ZNF438: variants seen among roughly 807,000 people sequenced by gnomAD.
ZNF438 encodes the protein zinc finger protein 438.
Under a neutral mutation model 38.0 loss-of-function variants are expected in ZNF438, and 25 were observed. The ratio of observed to expected loss-of-function variants is 0.66; its 90% CI spans 0.48 to 0.92. ZNF438 has a LOEUF of 0.92. Ranked by LOEUF, ZNF438 falls within the 40% of genes least tolerant of loss-of-function variation. The pLI is 0.00. For synonymous variants in ZNF438, 372 were observed against 364.1 expected, an observed-to-expected ratio of 1.02 and a Z score of -0.25; for missense variants, 1,007 against 999.6, an observed-to-expected ratio of 1.01 and a Z score of -0.10.
chr10:30,990,004 G>C (rs549942018), intron 1 of ZNF438, among the ~76,000 whole-genome samples: 1 of 152,276 alleles, frequency 6.6e-6, no homozygotes, highest in African/African-American at 2.4e-5. Flanking sequence ...TAGGACTCAG[G>C]AGCTAAGTTT....
In ZNF438 at chr10:30,857,738, G is replaced by A. The variant is rs77630866; in HGVS notation, c.38-7371C>T. 2,181 of 1,483,320 alleles carry A rather than the reference G, an allele frequency of 1.5e-3. 25 individuals carry two copies. In the African/African-American group the frequency reaches 0.027, roughly 18 times the overall value. 91.9% of individuals were successfully genotyped at this position (1,483,320 alleles called of 1,614,324 possible). A position where few individuals can be genotyped will look rare whatever the true frequency, so the allele number is the denominator to read the frequency against. ...GTTGGATATTTGGAGAATGTGCAAC[G>A]TGTGTCCTCCTCCTCCTCCATTGCC... On this transcript the variant is annotated intron_variant, in intron 4 of 5. Coordinates refer to ENST00000413025, the Ensembl canonical transcript of ZNF438.
exon 5 of ZNF438, chr10:30,850,177 G>A (rs1270988137): frequency 6.2e-7 from 1 of 1,614,002 alleles, no homozygotes; most frequent in Non-Finnish European, 8.5e-7. Context: ...AGTTCTGGGT[G>A]GACATCCCCA....
intron 2 of ZNF438, among the ~76,000 whole-genome samples, chr10:30,928,769 G>A (rs764353438): frequency 7.9e-5 from 12 of 152,132 alleles, no homozygotes; most frequent in Non-Finnish European, 1.3e-4. Flanking sequence ...TTTTTTCAGA[G>A]AACAAACCCC....
intron 1 of ZNF438, among the ~76,000 whole-genome samples, chr10:30,998,534 C>T (rs1489562015): frequency 1.3e-5 from 1 of 79,074 alleles, no homozygotes; most frequent in East Asian, 4.7e-4. Context: ...CAGAGAGAGA[C>T]TGTCTCAAAA....
At chr10:30,923,525 A>G (rs2135034184) in intron 2 of ZNF438, 1 of 152,234 alleles carries the variant, frequency 6.6e-6, no homozygotes, top group East Asian at 1.9e-4. Flanking sequence ...CATCTTTTTC[A>G]TATGGACACT....
At chr10:30,944,507 G>C (rs139643252) in intron 1 of ZNF438, among the ~76,000 whole-genome samples, 17 of 152,282 alleles carry the variant, frequency 1.1e-4, no homozygotes, top group Middle Eastern at 3.4e-3. Flanking sequence ...CTATATGGGG[G>C]TTGGGTTGAG....
At chr10:30,961,243 A>T (rs1428063163) in intron 1 of ZNF438, among the ~76,000 whole-genome samples, 1 of 34,478 alleles carries the variant, frequency 2.9e-5, no homozygotes, top group Non-Finnish European at 6.6e-5. Flanking sequence ...ATAATAAATA[A>T]AAAAAAAAAA....
intron 1 of ZNF438, among the ~76,000 whole-genome samples, chr10:30,995,632 T>C (rs1211269484): frequency 6.6e-6 from 1 of 152,192 alleles, no homozygotes; most frequent in Non-Finnish European, 1.5e-5. Flanking sequence ...TTTCTTCCCC[T>C]TTCTTCTCTT....
chr10:30,948,918 CAAG>C (rs987273940), intron 1 of ZNF438, among the ~76,000 whole-genome samples: 10 of 152,104 alleles, frequency 6.6e-5, no homozygotes, highest in African/African-American at 2.4e-4. Context: ...AGATACTCCT[CAAG>C]AAGAGCAACT....
At chr10:30,973,459 A>G (rs961760852) in intron 1 of ZNF438, among the ~76,000 whole-genome samples, 1 of 152,224 alleles carries the variant, frequency 6.6e-6, no homozygotes, top group Admixed American at 6.5e-5. Flanking sequence ...TGATCTCTGC[A>G]TCCCTACCAG....
At position 30,861,893 on chromosome 10, in the gene ZNF438, G is replaced by A. The variant is rs925125489; in HGVS notation, c.38-11526C>T. ...TCTTTACTCAAATCTAAGAATGACC[G>A]AGGAGCATAAGAAGTTAACTAAGAG... On this transcript the variant is annotated intron_variant, in intron 4 of 5. Transcript: ENST00000413025. Among the ~76,000 whole-genome samples the A allele has an allele frequency of 3.3e-5, 5 of 152,114 alleles. No individual in the cohort carries two copies. The South Asian group carries it at 6.2e-4, about 19-fold the overall frequency.
rs577078574 is a variant in ZNF438 at position 30,846,655 on chromosome 10, C to T, written c.1875-1082G>A. On this transcript the variant is annotated intron_variant, in intron 5 of 5. Coordinates refer to ENST00000413025, the Ensembl canonical transcript of ZNF438. Reference sequence around the variant, plus strand: ...CCAGGCACAACTGCCTGCAGCTGCCCAAGCTGCAGCTGTGACCCAGGCACC... The same window carrying T: ...CCAGGCACAACTGCCTGCAGCTGCCTAAGCTGCAGCTGTGACCCAGGCACC... Among the ~76,000 whole-genome samples, 50 of 152,322 alleles carry T rather than the reference C, an allele frequency of 3.3e-4. No homozygotes were observed. The East Asian group carries it at 9.3e-3, about 28-fold the overall frequency.
intron 2 of ZNF438, among the ~76,000 whole-genome samples, chr10:30,910,057 G>A (rs1379054780): frequency 6.6e-6 from 1 of 152,126 alleles, no homozygotes. Context: ...AGGTTCAACT[G>A]GGCACTTCTT....
intron 1 of ZNF438, among the ~76,000 whole-genome samples, chr10:31,002,815 C>A (rs961881108): frequency 3.3e-5 from 5 of 152,054 alleles, no homozygotes; most frequent in Non-Finnish European, 7.4e-5. Flanking sequence ...GGCTATGACC[C>A]CTACAAAAGA....
At chr10:30,925,524 A>T (rs905037931) in intron 2 of ZNF438, among the ~76,000 whole-genome samples, 23 of 152,226 alleles carry the variant, frequency 1.5e-4, no homozygotes, top group African/African-American at 4.8e-4. Context: ...AACAAAATAA[A>T]AGTTATCGCA....
intron 1 of ZNF438, among the ~76,000 whole-genome samples, chr10:30,951,291 C>T (rs1409923435): frequency 6.7e-6 from 1 of 149,936 alleles, no homozygotes; most frequent in Non-Finnish European, 1.5e-5. Flanking sequence ...CAGCCAATAT[C>T]ATACTGAATG....
At chr10:30,877,125 T>C (rs766217417) in intron 3 of ZNF438, 60 bp from the exon 5 acceptor site, 22 of 909,872 alleles carry the variant, frequency 2.4e-5, no homozygotes, top group Non-Finnish European at 3.0e-5. Context: ...TGTTAATGCA[T>C]ACTAAATATA....
intron 1 of ZNF438, among the ~76,000 whole-genome samples, chr10:30,963,574 T>A (rs1281047985): frequency 6.6e-6 from 1 of 152,098 alleles, no homozygotes; most frequent in East Asian, 1.9e-4. Context: ...CAGTGAGCAC[T>A]AGTATATATG....
At chr10:31,030,061 T>A (rs2057186702) in intron 1 of ZNF438, among the ~76,000 whole-genome samples, 1 of 152,236 alleles carries the variant, frequency 6.6e-6, no homozygotes, top group Admixed American at 6.5e-5. Context: ...ATCAAAAGAC[T>A]TGTAAAAATT....
Sources: gnomAD v4.1 joint callset for allele counts (sites outside exome capture counted in the v4.1 genomes callset) on GRCh38, gnomAD v4.1.1 for gene constraint, MANE v1.5 for transcripts, NCBI Gene and HGNC (gene_info 2026-07-23, HGNC 2026-07-21) for gene names.